Variants in ADAR observed in about 807,000 individuals in gnomAD.
ADAR encodes the protein double-stranded RNA-specific adenosine deaminase.
A neutral mutation model predicts 113.2 loss-of-function variants in ADAR; 41 were observed. The observed-to-expected ratio is 0.36, with a 90% CI of 0.28 to 0.47. ADAR has a LOEUF of 0.47. Among genes scored for constraint, ADAR ranks in the 20% least tolerant of loss-of-function variants. The pLI, the probability that ADAR is intolerant of heterozygous loss-of-function variation, is 1.00. For synonymous variants in ADAR, 605 were observed against 572.6 expected, an observed-to-expected ratio of 1.06 and a Z score of -0.81; for missense variants, 1,242 against 1,540.9, an observed-to-expected ratio of 0.81 and a Z score of 3.25.
Position 154,608,167 on chromosome 1 carries a change from G to A in ADAR, c.-161C>T, listed in dbSNP as rs982335480. ...GAAACTCCGCGGGTCTGCGCGCCGG[G>A]CCCAAGATGGCTCCGGTTCAATTTC... On this transcript the variant is annotated 5_prime_UTR_variant, in exon 1 of 15. Transcript: ENST00000368474. 1 of 812,908 alleles carries A rather than the reference G, an allele frequency of 1.2e-6. No individual in the cohort carries two copies. Among genetic ancestry groups the A allele is most frequent in the Non-Finnish European group, 1.8e-6 (1 of 555,412 alleles). 50.4% of individuals were successfully genotyped at this position (812,908 alleles called of 1,614,324 possible).
Position 154,601,345 on chromosome 1 carries a change from T to A in ADAR, c.1297A>T (p.Lys433Ter). 1 of 1,614,280 alleles carries A rather than the reference T, an allele frequency of 6.2e-7. No individual in the cohort carries two copies. Among genetic ancestry groups the A allele is most frequent in the Non-Finnish European group, 8.5e-7 (1 of 1,180,052 alleles). Residue 433 changes from lysine to a stop codon, truncating the protein, a stop_gained, in exon 2 of 15, where the codon AAA becomes TAA. Coordinates refer to ENST00000368474, the MANE Select transcript of ADAR (RefSeq NM_001111.5). LOFTEE classifies it high-confidence loss of function. This position sits in a 1 kb window ranked among gnomAD's most constrained non-coding sequence, Gnocchi z 4.7. ...GGGCCATTGTAATGAACAGGTGGTT[T>A]CAGTCTTGCTGGTTCTGGTCTGGCC... ...QEARPEPARL[K>*]PPVHYNGPSK...
chr1:154,625,312 A>G (rs888044960), intron 1 of ADAR, among the ~76,000 whole-genome samples: 1 of 152,184 alleles, frequency 6.6e-6, no homozygotes, highest in Non-Finnish European at 1.5e-5. Context: ...AAAGAGCAAG[A>G]CTCAAACCAC....
rs1553211642 is a variant in ADAR at position 154,597,384 on chromosome 1, T to TGTGCAGTCACATCTC, written c.1935-132_1935-118dup. On this transcript the variant is annotated intron_variant, in intron 4 of 14. Transcript: ENST00000368474. Reference sequence around the variant, plus strand: ...GTAATTTCCTTGAACACATCACCTCTGTGCAGTCACATCTCATGCAGTCAC... The same window carrying TGTGCAGTCACATCTC: ...GTAATTTCCTTGAACACATCACCTCTGTGCAGTCACATCTCGTGCAGTCACATCTCATGCAGTCAC... 3.2e-6 allele frequency: 4 copies of TGTGCAGTCACATCTC among 1,251,212 alleles called. 1 individual carries two copies. The Admixed American group carries it at 7.7e-5, about 24-fold the overall frequency. 77.5% of individuals were successfully genotyped at this position (1,251,212 alleles called of 1,614,324 possible). A position where few individuals can be genotyped will look rare whatever the true frequency, so the allele number is the denominator to read the frequency against.
Position 154,601,576 on chromosome 1 carries a change from T to C in ADAR, c.1066A>G (p.Thr356Ala), listed in dbSNP as rs759323852. The change falls in exon 2 of 15, where the codon ACA becomes GCA. Residue 356 changes from threonine to alanine, a missense_variant. Transcript: ENST00000368474. The surrounding 1 kb of genome is among the most constrained non-coding windows in gnomAD (Gnocchi z 4.7). ...TGCATCCTCTCTCGCTTCTTGTCTG[T>C]CAAATGCCATATGGGAGGGGTTGTC... Reference protein sequence around the residue: ...QGTTPPIWHLTDKKRERMQIK... With the variant: ...QGTTPPIWHLADKKRERMQIK... 1 of 1,612,510 alleles carries C rather than the reference T, an allele frequency of 6.2e-7. No homozygotes were observed. The highest frequency in any genetic ancestry group is 8.5e-7 in the Non-Finnish European group (1 of 1,180,024).
rs371050239 is a variant in ADAR at position 154,601,450 on chromosome 1, T to C, written c.1192A>G (p.Asn398Asp). 122 of 1,614,082 alleles carry C rather than the reference T, an allele frequency of 7.6e-5. No homozygotes were observed. Among genetic ancestry groups the C allele is most frequent in the Middle Eastern group, 6.6e-4 (4 of 6,084 alleles). ...EFLTCNIPTSNASNNMVTTEK... is the reference protein window; with the variant it reads ...EFLTCNIPTSDASNNMVTTEK... ...GTGGTTACCATGTTATTTGAGGCAT[T>C]TGATGTGGGTATATTACAGGTGAGG... Residue 398 changes from asparagine (N) to aspartate (D), a missense_variant, in exon 2 of 15, where the codon AAT becomes GAT. Coordinates refer to ENST00000368474, the MANE Select transcript of ADAR (RefSeq NM_001111.5). This position sits in a 1 kb window ranked among gnomAD's most constrained non-coding sequence, Gnocchi z 4.7.
At position 154,596,786 on chromosome 1, in the gene ADAR, C is replaced by A; in HGVS notation, c.2270+19G>T. 1 of 1,612,276 alleles carries A rather than the reference C, an allele frequency of 6.2e-7. No homozygotes were observed. Among genetic ancestry groups the A allele is most frequent in the East Asian group, 2.2e-5 (1 of 44,888 alleles). On this transcript the variant is annotated intron_variant, in intron 6 of 14. Coordinates refer to ENST00000368474, the MANE Select transcript of ADAR (RefSeq NM_001111.5). ...CCCCAACTGGTGACACATGCATTAG[C>A]CAGGACTAGGACACTCACTTGGGCT...
At chr1:154,610,820 AAAAG>A (rs1163225541), upstream of ADAR, among the ~76,000 whole-genome samples, 1,290 of 36,668 alleles carry the variant, frequency 0.035, 185 homozygotes, top group African/African-American at 0.13. Flanking sequence ...AAAAAAAAAA[AAAAG>A]AAAAAAAAAA....
At chr1:154,597,291 A>G (rs1212170186) in intron 4 of ADAR, 24 bp from the exon 5 acceptor site, 7 of 1,613,852 alleles carry the variant, frequency 4.3e-6, no homozygotes, top group Middle Eastern at 1.6e-4. Context: ...AAGCACGTAG[A>G]AGGATTAAAA....
intron 1 of ADAR, among the ~76,000 whole-genome samples, chr1:154,616,106 C>T (rs1482602906): frequency 1.3e-5 from 2 of 151,994 alleles, no homozygotes; most frequent in Non-Finnish European, 2.9e-5. Context: ...ATCCAAGAGG[C>T]GACAAGGGAG....
intron 4 of ADAR, among the ~76,000 whole-genome samples, 188 bp from the exon 5 acceptor site, chr1:154,597,455 C>T (rs935314511): frequency 1.3e-4 from 20 of 152,200 alleles, no homozygotes; most frequent in African/African-American, 4.8e-4. Context: ...TGACCCCTTT[C>T]AACATTTAAG....
rs565666052 is a variant in ADAR, at chr1:154,608,129, G to A, written c.-123C>T. ...TACTCCGCACTGGAAGTGGCCCCGG[G>A]GCGTCGGCACGGGAAACTCCGCGGG... On this transcript the variant is annotated 5_prime_UTR_variant, in exon 1 of 15. Transcript: ENST00000368474. 4 of 1,298,632 alleles carry A rather than the reference G, an allele frequency of 3.1e-6. No homozygotes were observed. Among genetic ancestry groups the A allele is most frequent in the South Asian group, 1.7e-5 (1 of 60,402 alleles). The allele number at this position is 1,298,632 out of a possible 1,614,324, so 80.4% of individuals were successfully genotyped here.
intron 1 of ADAR, among the ~76,000 whole-genome samples, chr1:154,624,350 A>T (rs1199411253): frequency 1.3e-5 from 2 of 152,170 alleles, no homozygotes; most frequent in Non-Finnish European, 2.9e-5. Context: ...TAAGTCTGAT[A>T]AAGTCTGATA....
At chr1:154,608,567 C>A (rs868436466), upstream of ADAR, among the ~76,000 whole-genome samples, 4 of 142,606 alleles carry the variant, frequency 2.8e-5, no homozygotes, top group Non-Finnish European at 4.5e-5. Context: ...GTCTCGAACT[C>A]CCGGCTTCAA....
At chr1:154,619,640 A>C (rs1698734311) in intron 1 of ADAR, among the ~76,000 whole-genome samples, 1 of 152,250 alleles carries the variant, frequency 6.6e-6, no homozygotes, top group African/African-American at 2.4e-5. Flanking sequence ...AACAAAAAAA[A>C]CAAAACTACT....
At chr1:154,585,427 G>A in intron 13 of ADAR, 83 bp from the exon 14 acceptor site, 1 of 1,596,444 alleles carries the variant, frequency 6.3e-7, no homozygotes, top group African/African-American at 1.3e-5. Context: ...ACTCATAGGA[G>A]AGAGGAAGTG....
Position 154,582,060 on chromosome 1 carries a change from C to T in ADAR, c.*2746G>A, listed in dbSNP as rs1280982226. On this transcript the variant is annotated 3_prime_UTR_variant, in exon 15 of 15. Coordinates refer to ENST00000368474, the MANE Select transcript of ADAR (RefSeq NM_001111.5). ...CCAAGAAACCAGGACTTAAAACTTTCTAAGAATTCAGATTCTTGTTTTTTT... is the reference window on the plus strand; with the variant it reads ...CCAAGAAACCAGGACTTAAAACTTTTTAAGAATTCAGATTCTTGTTTTTTT... 1.3e-5 allele frequency: 2 copies of T among 152,476 alleles called. No individual in the cohort carries two copies. Among genetic ancestry groups the T allele is most frequent in the Non-Finnish European group, 2.9e-5 (2 of 68,016 alleles). 9.4% of individuals were successfully genotyped at this position (152,476 alleles called of 1,614,324 possible).
intron 10 of ADAR, 107 bp downstream of exon 10, chr1:154,588,444 T>G (rs1297665588): frequency 2.6e-6 from 4 of 1,539,740 alleles, no homozygotes; most frequent in East Asian, 4.5e-5. Flanking sequence ...CACAGTGGAG[T>G]GTGGCTTATT....
chr1:154,606,315 A>C (rs1163195087), intron 1 of ADAR, among the ~76,000 whole-genome samples: 4 of 152,196 alleles, frequency 2.6e-5, no homozygotes, highest in Admixed American at 6.5e-5. Flanking sequence ...TACAGGCATG[A>C]GCTACCACGC....
Position 154,607,982 on chromosome 1 carries a change from C to A in ADAR, c.15+10G>T, listed in dbSNP as rs58655370. The A allele has an allele frequency of 0.23, 365,548 of 1,608,580 alleles. 44,515 individuals carry two copies. The highest frequency in any genetic ancestry group is 0.43 in the African/African-American group (31,865 of 74,862). ...GACGGCGGCGAAGGTCCAAGGCCGG[C>A]CCGGCTTACCTGCCGCGGATTCATT... On this transcript the variant is annotated intron_variant, in intron 1 of 14. Transcript: ENST00000368474.
Sources: allele counts gnomAD v4.1 joint callset (sites outside exome capture counted in the v4.1 genomes callset), GRCh38; gene constraint gnomAD v4.1.1; non-coding constraint Gnocchi (gnomAD v3.1); transcripts MANE v1.5; gene names NCBI Gene and HGNC (gene_info 2026-07-23, HGNC 2026-07-21).